C21orf91: variants seen among roughly 807,000 people sequenced by gnomAD.
The protein encoded by C21orf91 is chromosome 21 open reading frame 91, also known as protein EURL homolog.
C21orf91 carries 26 observed loss-of-function variants against 32.9 expected under a neutral mutation model. The observed-to-expected ratio is 0.79, with a 90% CI of 0.58 to 1.10. The LOEUF is 1.10. Among genes scored for constraint, C21orf91 ranks in the 50% least tolerant of loss-of-function variants. C21orf91 has a pLI of 0.00. For missense variants in C21orf91, 310 were observed against 341.3 expected (o/e 0.91, Z 0.72); for synonymous variants, 126 against 120.4 (o/e 1.05, Z -0.31).
At chr21:17,795,309 C>A in intron 3 of C21orf91, 39 bp from the exon 4 acceptor site, 1 of 1,370,338 alleles carries the variant, frequency 7.3e-7, no homozygotes, top group African/African-American at 1.4e-5. Flanking sequence ...CCACAACAAC[C>A]TAGGAAAACA....
chr21:17,816,947 G>A (rs1404794821), intron 2 of C21orf91, among the ~76,000 whole-genome samples: 5 of 152,156 alleles, frequency 3.3e-5, no homozygotes, highest in African/African-American at 1.2e-4. Context: ...CATGATTTAA[G>A]TACTGTAAAA....
intron 2 of C21orf91, among the ~76,000 whole-genome samples, chr21:17,814,578 G>C (rs1399095893): frequency 6.6e-6 from 1 of 152,156 alleles, no homozygotes; most frequent in Non-Finnish European, 1.5e-5. Context: ...AGGCCTCAGG[G>C]AACTCACAAT....
intron 2 of C21orf91, among the ~76,000 whole-genome samples, chr21:17,805,876 G>A (rs968352081): frequency 5.3e-5 from 8 of 152,160 alleles, no homozygotes; most frequent in South Asian, 2.1e-4. Flanking sequence ...CATCTAAAAA[G>A]CTATTCAAAT....
At position 17,798,771 on chromosome 21, in the gene C21orf91, TTTA is replaced by T. The variant is rs1243958591; in HGVS notation, c.128-1656_128-1654del. Among the ~76,000 whole-genome samples, 5 of 152,212 alleles carry T rather than the reference TTTA, an allele frequency of 3.3e-5. No homozygotes were observed. In the South Asian group the frequency reaches 1.0e-3, roughly 31 times the overall value. ...TAAAAAGGAAGCTCACGAGCTCTGC[TTTA>T]TTAAGTTTTATTATTACGCATTTTA... On this transcript the variant is annotated intron_variant, in intron 2 of 4. Transcript: ENST00000284881.
chr21:17,798,499 G>A (rs1484632871), intron 2 of C21orf91, among the ~76,000 whole-genome samples: 1 of 152,050 alleles, frequency 6.6e-6, no homozygotes, highest in Non-Finnish European at 1.5e-5. Flanking sequence ...GCTCTCATGA[G>A]GTAAACTCAA....
At chr21:17,818,348 A>G (rs764625877) in intron 1 of C21orf91, 23 bp from the exon 2 acceptor site, 2 of 1,583,656 alleles carry the variant, frequency 1.3e-6, no homozygotes, top group South Asian at 2.3e-5. Flanking sequence ...AGAAAAGGAA[A>G]GTTACACAAT....
At chr21:17,794,254 A>C (rs530852033) in intron 4 of C21orf91, among the ~76,000 whole-genome samples, 31 of 152,326 alleles carry the variant, frequency 2.0e-4, no homozygotes, top group African/African-American at 7.0e-4. Flanking sequence ...TAAGCAACTT[A>C]ACATCTCTGA....
chr21:17,810,295 T>C (rs1268267830), intron 2 of C21orf91, among the ~76,000 whole-genome samples: 1 of 152,222 alleles, frequency 6.6e-6, no homozygotes, highest in African/African-American at 2.4e-5. Flanking sequence ...AATTATAGTT[T>C]TTAATTTATA....
chr21:17,789,471 G>C lies in C21orf91; in HGVS notation c.*3944C>G, dbSNP rs562542580. ...TAATCTTTAAACCTTTTTTGGGAGA[G>C]GGCAATACTCATCTTCATGAATTTT... On this transcript the variant is annotated 3_prime_UTR_variant, in exon 5 of 5. Coordinates refer to ENST00000284881, the MANE Select transcript of C21orf91 (RefSeq NM_001100420.2). 12 of 152,056 alleles carry C rather than the reference G, an allele frequency of 7.9e-5. No individual in the cohort carries two copies. Among genetic ancestry groups the C allele is most frequent in the South Asian group, 4.1e-4 (2 of 4,822 alleles). 9.4% of individuals were successfully genotyped at this position (152,056 alleles called of 1,614,324 possible).
At chr21:17,818,589 C>A (rs796568417) in intron 1 of C21orf91, among the ~76,000 whole-genome samples, 1 of 152,164 alleles carries the variant, frequency 6.6e-6, no homozygotes, top group South Asian at 2.1e-4. Flanking sequence ...GTTAGTGGCA[C>A]CTGAAGGAAA....
chr21:17,793,100 A>C lies in C21orf91; in HGVS notation c.*315T>G, dbSNP rs1364201069. ...CTCTAGTAGTTTACACTAAGGAGTT[A>C]ATCTGTTGTTTTGACAGGTGAATTA... On this transcript the variant is annotated 3_prime_UTR_variant, in exon 5 of 5. Transcript: ENST00000284881. The C allele has an allele frequency of 5.9e-6, 1 of 170,258 alleles. No homozygotes were observed. Among genetic ancestry groups the C allele is most frequent in the African/African-American group, 2.4e-5 (1 of 42,230 alleles). 10.5% of individuals were successfully genotyped at this position (170,258 alleles called of 1,614,324 possible).
chr21:17,797,030 A>G lies in C21orf91; in HGVS notation c.216T>C (p.Gly72=), dbSNP rs1278322512. 6.2e-7 allele frequency: 1 copy of G among 1,612,328 alleles called. No homozygotes were observed. Among genetic ancestry groups the G allele is most frequent in the Non-Finnish European group, 8.5e-7 (1 of 1,178,524 alleles). ...FEKYHLIANQ[G]CPRSKLSKST... ...TTTTTGAAAGCTTAGATCGAGGACAACCCTGGTTTGCAATTAAATGGTATT... is the reference window on the plus strand; with the variant it reads ...TTTTTGAAAGCTTAGATCGAGGACAGCCCTGGTTTGCAATTAAATGGTATT... The change falls in exon 3 of 5, where the codon GGT becomes GGC. Residue 72 remains glycine (G), a synonymous_variant. Transcript: ENST00000284881.
At position 17,792,619 on chromosome 21, in the gene C21orf91, A is replaced by C. The variant is rs1402292982; in HGVS notation, c.*796T>G. 6.6e-6 allele frequency: 1 copy of C among 152,202 alleles called. No homozygotes were observed. Among genetic ancestry groups the C allele is most frequent in the East Asian group, 1.9e-4 (1 of 5,202 alleles). 9.4% of individuals were successfully genotyped at this position (152,202 alleles called of 1,614,324 possible). Reference sequence around the variant, plus strand: ...CTGGTGTGAAGCTAATAATGAAAGAAGCAAGAGGAGGCTTTCATTTCTATG... The same window carrying C: ...CTGGTGTGAAGCTAATAATGAAAGACGCAAGAGGAGGCTTTCATTTCTATG... On this transcript the variant is annotated 3_prime_UTR_variant, in exon 5 of 5. Coordinates refer to ENST00000284881, the MANE Select transcript of C21orf91 (RefSeq NM_001100420.2).
intron 2 of C21orf91, among the ~76,000 whole-genome samples, chr21:17,799,758 A>G (rs2062546311): frequency 6.6e-6 from 1 of 152,192 alleles, no homozygotes; most frequent in Non-Finnish European, 1.5e-5. Context: ...TGTGAAAAAT[A>G]TGGACCATGT....
At chr21:17,805,868 T>C (rs562045994) in intron 2 of C21orf91, among the ~76,000 whole-genome samples, 3 of 152,298 alleles carry the variant, frequency 2.0e-5, no homozygotes, top group Non-Finnish European at 2.9e-5. Context: ...TCATAAGACA[T>C]CTAAAAAGCT....
intron 2 of C21orf91, among the ~76,000 whole-genome samples, chr21:17,799,992 C>T (rs1243862342): frequency 6.6e-6 from 1 of 152,106 alleles, no homozygotes. Context: ...AGTGAAGTTA[C>T]TCCTATATTT....
chr21:17,803,520 A>C (rs2062576076), intron 2 of C21orf91, among the ~76,000 whole-genome samples: 1 of 152,212 alleles, frequency 6.6e-6, no homozygotes, highest in South Asian at 2.1e-4. Context: ...GTGTCTTAAA[A>C]AAAAGAAAAA....
In C21orf91 at chr21:17,791,119, T is replaced by G. The variant is rs1234759644; in HGVS notation, c.*2296A>C. 1.3e-5 allele frequency: 2 copies of G among 152,174 alleles called. No homozygotes were observed. Among genetic ancestry groups the G allele is most frequent in the Non-Finnish European group, 2.9e-5 (2 of 67,982 alleles). 9.4% of individuals were successfully genotyped at this position (152,174 alleles called of 1,614,324 possible). Reference sequence around the variant, plus strand: ...TACTTATATTTGCATACACAGTAATTGCATATTTGATTAAGAAAACTAACA... The same window carrying G: ...TACTTATATTTGCATACACAGTAATGGCATATTTGATTAAGAAAACTAACA... On this transcript the variant is annotated 3_prime_UTR_variant, in exon 5 of 5. Transcript: ENST00000284881.
chr21:17,791,304 T>C lies in C21orf91; in HGVS notation c.*2111A>G, dbSNP rs2062472090. The C allele has an allele frequency of 6.6e-6, 1 of 152,116 alleles. No homozygotes were observed. The highest frequency in any genetic ancestry group is 1.5e-5 in the Non-Finnish European group (1 of 67,956). The allele number at this position is 152,116 out of a possible 1,614,324, so 9.4% of individuals were successfully genotyped here. A position where few individuals can be genotyped will look rare whatever the true frequency, so the allele number is the denominator to read the frequency against. ...GCACCTCTCCTTTTTAGAGCTTAAGTAGAAATATCTAAATGGAATAAATCA... is the reference window on the plus strand; with the variant it reads ...GCACCTCTCCTTTTTAGAGCTTAAGCAGAAATATCTAAATGGAATAAATCA... On this transcript the variant is annotated 3_prime_UTR_variant, in exon 5 of 5. Coordinates refer to ENST00000284881, the MANE Select transcript of C21orf91 (RefSeq NM_001100420.2).
Sources: gnomAD v4.1 joint callset for allele counts (sites outside exome capture counted in the v4.1 genomes callset) on GRCh38, gnomAD v4.1.1 for gene constraint, MANE v1.5 for transcripts, NCBI Gene and HGNC (gene_info 2026-07-23, HGNC 2026-07-21) for gene names.